Variants in LIN28B observed in about 807,000 individuals in gnomAD.
LIN28B encodes the protein lin-28 RNA binding posttranscriptional regulator B, also known as protein lin-28 homolog B.
A neutral mutation model predicts 21.9 loss-of-function variants in LIN28B; 5 were observed. The ratio of observed to expected loss-of-function variants is 0.23; its 90% CI spans 0.12 to 0.48. The LOEUF (loss-of-function observed/expected upper bound fraction) is 0.48. Among genes scored for constraint, LIN28B ranks in the 20% least tolerant of loss-of-function variants. LIN28B has a pLI of 0.98. For missense variants in LIN28B, 245 were observed against 310.5 expected, an observed-to-expected ratio of 0.79 and a Z score of 1.58; for synonymous variants, 109 against 111.3, an observed-to-expected ratio of 0.98 and a Z score of 0.13.
intron 2 of LIN28B, among the ~76,000 whole-genome samples, chr6:104,972,711 T>C (rs1770004595): frequency 6.6e-6 from 1 of 152,204 alleles, no homozygotes; most frequent in African/African-American, 2.4e-5. Context: ...AGTTGAAATA[T>C]GTGAACAGCC....
intron 3 of LIN28B, among the ~76,000 whole-genome samples, chr6:105,044,603 T>A (rs1316588036): frequency 6.6e-6 from 1 of 152,218 alleles, no homozygotes; most frequent in African/African-American, 2.4e-5. Flanking sequence ...GATATAAATC[T>A]AATTATAGCC....
intron 2 of LIN28B, among the ~76,000 whole-genome samples, chr6:104,995,432 G>A (rs950049397): frequency 6.6e-6 from 1 of 152,132 alleles, no homozygotes. Flanking sequence ...CAGATTTGGG[G>A]GGGCCAGATA....
At chr6:104,966,619 ATTTTTTTTTT>A (rs538140992) in intron 2 of LIN28B, among the ~76,000 whole-genome samples, 4 of 122,808 alleles carry the variant, frequency 3.3e-5, no homozygotes, top group Non-Finnish European at 5.1e-5. Context: ...TGCCCGGCTG[ATTTTTTTTTT>A]TTTTTTTTTT....
chr6:105,039,736 T>A (rs987214191), intron 3 of LIN28B, among the ~76,000 whole-genome samples: 1 of 152,292 alleles, frequency 6.6e-6, no homozygotes, highest in South Asian at 2.1e-4. Flanking sequence ...ATTCCACACC[T>A]TATGCTATTT....
intron 2 of LIN28B, among the ~76,000 whole-genome samples, chr6:104,938,129 C>T (rs997971753): frequency 2.6e-5 from 4 of 151,208 alleles, no homozygotes; most frequent in African/African-American, 4.9e-5. Context: ...CTTGTAGTCC[C>T]AGCCACTCAG....
At chr6:105,017,527 T>C (rs1215733970) in intron 2 of LIN28B, among the ~76,000 whole-genome samples, 1 of 152,202 alleles carries the variant, frequency 6.6e-6, no homozygotes, top group Non-Finnish European at 1.5e-5. Context: ...ATGAGATATT[T>C]TGTATTCCTG....
At chr6:105,016,750 A>G (rs1370962432) in intron 2 of LIN28B, among the ~76,000 whole-genome samples, 1 of 152,122 alleles carries the variant, frequency 6.6e-6, no homozygotes, top group Non-Finnish European at 1.5e-5. Flanking sequence ...AGAAGTTAGT[A>G]GCTTTATAAG....
At chr6:104,946,852 A>G (rs946626917) in intron 2 of LIN28B, among the ~76,000 whole-genome samples, 6 of 152,188 alleles carry the variant, frequency 3.9e-5, no homozygotes, top group Admixed American at 6.5e-5. Flanking sequence ...AGAAAATACT[A>G]TAACAGAAAC....
At chr6:104,992,315 C>G (rs1770503945) in intron 2 of LIN28B, among the ~76,000 whole-genome samples, 1 of 152,116 alleles carries the variant, frequency 6.6e-6, no homozygotes, top group Non-Finnish European at 1.5e-5. Flanking sequence ...CCTTGGCCTC[C>G]CAAAGTGCTG....
At chr6:105,037,499 C>G (rs1305621170) in intron 3 of LIN28B, among the ~76,000 whole-genome samples, 1 of 148,808 alleles carries the variant, frequency 6.7e-6, no homozygotes, top group Admixed American at 6.7e-5. Flanking sequence ...CCTCCCCCTC[C>G]TCCCCGCTCC....
At chr6:104,963,385 AT>A (rs1769794758) in intron 2 of LIN28B, among the ~76,000 whole-genome samples, 1 of 152,126 alleles carries the variant, frequency 6.6e-6, no homozygotes, top group Non-Finnish European at 1.5e-5. Flanking sequence ...AGATTTCTTA[AT>A]GTAGCCCTAA....
chr6:105,006,958 C>G (rs1343311288), intron 2 of LIN28B, among the ~76,000 whole-genome samples: 4 of 152,144 alleles, frequency 2.6e-5, no homozygotes, highest in Non-Finnish European at 5.9e-5. Context: ...ACAAGGGTGA[C>G]CAGAATATTT....
intron 3 of LIN28B, among the ~76,000 whole-genome samples, chr6:105,042,235 A>G (rs970306397): frequency 5.9e-5 from 9 of 152,166 alleles, no homozygotes; most frequent in South Asian, 4.1e-4. Context: ...GGGGTAGGCA[A>G]AAATAACTGA....
chr6:105,057,832 C>A lies in LIN28B; in HGVS notation c.384-20582C>A, dbSNP rs1047739824. On this transcript the variant is annotated intron_variant, in intron 3 of 3. Transcript: ENST00000345080. Reference sequence around the variant, plus strand: ...GTTTATTTCAGTATAAGAATAGGGGCATTACAAAAATACTTAGTATAAAAA... The same window carrying A: ...GTTTATTTCAGTATAAGAATAGGGGAATTACAAAAATACTTAGTATAAAAA... Among the ~76,000 whole-genome samples, 3 of 152,054 alleles carry A rather than the reference C, an allele frequency of 2.0e-5. 1 individual carries two copies. In the East Asian group the frequency reaches 5.8e-4, roughly 29 times the overall value.
chr6:104,948,474 G>GA (rs532957202), intron 2 of LIN28B, among the ~76,000 whole-genome samples: 13 of 151,814 alleles, frequency 8.6e-5, no homozygotes, highest in Middle Eastern at 3.4e-3. Flanking sequence ...TCTAAAAAAA[G>GA]AAAAAAAATT....
intron 2 of LIN28B, among the ~76,000 whole-genome samples, chr6:104,991,831 C>T (rs372357569): frequency 9.3e-4 from 141 of 152,278 alleles, no homozygotes; most frequent in Admixed American, 5.6e-3. Context: ...GCCAACACAG[C>T]GAAACCCCGT....
intron 2 of LIN28B, among the ~76,000 whole-genome samples, chr6:104,940,005 T>C (rs1468641592): frequency 6.6e-6 from 1 of 152,146 alleles, no homozygotes; most frequent in Non-Finnish European, 1.5e-5. Context: ...TATCACAGTA[T>C]TTTTGGCCCC....
intron 2 of LIN28B, among the ~76,000 whole-genome samples, chr6:104,980,356 G>A (rs994831497): frequency 2.0e-5 from 3 of 152,158 alleles, no homozygotes; most frequent in Non-Finnish European, 4.4e-5. Context: ...TGACCACAGA[G>A]TAATGAGGAA....
intron 2 of LIN28B, among the ~76,000 whole-genome samples, chr6:104,969,619 T>C (rs992832660): frequency 6.6e-6 from 1 of 152,196 alleles, no homozygotes; most frequent in Non-Finnish European, 1.5e-5. Flanking sequence ...GTATATACTT[T>C]AAATACATGT....
Sources: gnomAD v4.1 joint callset for allele counts (sites outside exome capture counted in the v4.1 genomes callset) on GRCh38, gnomAD v4.1.1 for gene constraint, MANE v1.5 for transcripts, NCBI Gene and HGNC (gene_info 2026-07-23, HGNC 2026-07-21) for gene names.